PPP1R14C: variants seen among roughly 807,000 people sequenced by gnomAD.
PPP1R14C encodes the protein protein phosphatase 1 regulatory subunit 14C.
PPP1R14C carries 16 observed loss-of-function variants against 20.4 expected under a neutral mutation model. The observed-to-expected ratio is 0.78, with a 90% CI of 0.53 to 1.19. The LOEUF is 1.19. Ranked by LOEUF, PPP1R14C falls within the 50% of genes most tolerant of loss-of-function variation. PPP1R14C has a pLI of 0.00. For missense variants in PPP1R14C, 211 were observed against 220.1 expected (o/e 0.96, Z 0.26); for synonymous variants, 91 against 91.0 (o/e 1.00, Z 0.00).
chr6:150,155,281 A>C lies in PPP1R14C; in HGVS notation c.306+11783A>C, dbSNP rs79779088. Among the ~76,000 whole-genome samples the C allele has an allele frequency of 4.0e-3, 613 of 152,328 alleles. 2 individuals are homozygous for C. The highest frequency in any genetic ancestry group is 7.0e-3 in the South Asian group (34 of 4,828). ...ACTAATAGGATGGGATAACAAGAAA[A>C]ACTTAAGATTTTTTATGGACAGTTC... is the stretch of plus-strand genomic sequence containing the variant. On this transcript the variant is annotated intron_variant, in intron 1 of 3. Transcript: ENST00000361131.
chr6:150,175,412 A>G (rs979187696), intron 1 of PPP1R14C, among the ~76,000 whole-genome samples: 1 of 152,226 alleles, frequency 6.6e-6, no homozygotes, highest in East Asian at 1.9e-4. Flanking sequence ...CACAGTGGTC[A>G]TTTACTAAGG....
rs146587361 is a variant in PPP1R14C, at chr6:150,204,612, C to T, written c.307-10132C>T. Among the ~76,000 whole-genome samples, 48 of 152,280 alleles carry T rather than the reference C, an allele frequency of 3.2e-4. 1 individual carries two copies. In the East Asian group the frequency reaches 8.3e-3, roughly 26 times the overall value. On this transcript the variant is annotated intron_variant, in intron 1 of 3. Coordinates refer to ENST00000361131, the MANE Select transcript of PPP1R14C (RefSeq NM_030949.3). ...CAACGTGCGTGGGCATGATTGTGCC[C>T]GATTTCTATCCAGCCCCGAGAATTA...
At chr6:150,212,306 G>A (rs144530234) in intron 1 of PPP1R14C, among the ~76,000 whole-genome samples, 1 of 152,288 alleles carries the variant, frequency 6.6e-6, no homozygotes, top group East Asian at 1.9e-4. Context: ...GTATTCAAAT[G>A]TGCTTACCAC....
At position 150,202,792 on chromosome 6, in the gene PPP1R14C, C is replaced by G. The variant is rs574827133; in HGVS notation, c.307-11952C>G. Among the ~76,000 whole-genome samples, 408 of 152,338 alleles carry G rather than the reference C, an allele frequency of 2.7e-3. 1 individual carries two copies. Among genetic ancestry groups the G allele is most frequent in the African/African-American group, 9.5e-3 (393 of 41,568 alleles). On this transcript the variant is annotated intron_variant, in intron 1 of 3. Coordinates refer to ENST00000361131, the MANE Select transcript of PPP1R14C (RefSeq NM_030949.3). Reference sequence around the variant, plus strand: ...CAGTCACAGGAAGGCCTGGCCCTCACCTTCCTGGGTTCAGCCACCACCAAC... The same window carrying G: ...CAGTCACAGGAAGGCCTGGCCCTCAGCTTCCTGGGTTCAGCCACCACCAAC...
chr6:150,187,089 C>T (rs1315959360), intron 1 of PPP1R14C, among the ~76,000 whole-genome samples: 1 of 151,844 alleles, frequency 6.6e-6, no homozygotes, highest in Non-Finnish European at 1.5e-5. Flanking sequence ...GATTCTCCTG[C>T]GTCAGCCTCC....
At chr6:150,197,570 G>T (rs1022363475) in intron 1 of PPP1R14C, among the ~76,000 whole-genome samples, 7 of 152,282 alleles carry the variant, frequency 4.6e-5, no homozygotes, top group African/African-American at 1.7e-4. Context: ...GCTGCCGTGG[G>T]AAGGCTGGTG....
At chr6:150,224,496 A>G (rs1018092184) in intron 3 of PPP1R14C, among the ~76,000 whole-genome samples, 1 of 152,158 alleles carries the variant, frequency 6.6e-6, no homozygotes, top group Non-Finnish European at 1.5e-5. Context: ...ATACCTCTCC[A>G]ATTATTTCTG....
chr6:150,230,637 C>A (rs969653375), intron 3 of PPP1R14C, among the ~76,000 whole-genome samples: 18 of 152,154 alleles, frequency 1.2e-4, no homozygotes, highest in African/African-American at 3.6e-4. Flanking sequence ...TTAGAGCTTG[C>A]GTAATGTATA....
chr6:150,200,843 G>T (rs766723826), intron 1 of PPP1R14C, among the ~76,000 whole-genome samples: 1 of 152,120 alleles, frequency 6.6e-6, no homozygotes, highest in African/African-American at 2.4e-5. Flanking sequence ...GAAAGCTGTC[G>T]TCATCCTCTA....
At chr6:150,218,844 G>T (rs1778131501) in intron 3 of PPP1R14C, among the ~76,000 whole-genome samples, 2 of 152,050 alleles carry the variant, frequency 1.3e-5, no homozygotes, top group Non-Finnish European at 2.9e-5. Flanking sequence ...TAGAGACTGG[G>T]TCTCACTATG....
chr6:150,214,595 C>T, intron 1 of PPP1R14C, 149 bp from the exon 2 acceptor site: 1 of 589,226 alleles, frequency 1.7e-6, no homozygotes, highest in South Asian at 2.4e-5. Flanking sequence ...TCCTTCCCTC[C>T]TCTCCCCCTA....
In PPP1R14C at chr6:150,196,119, C is replaced by G. The variant is rs561910351; in HGVS notation, c.307-18625C>G. The G allele has an allele frequency of 1.6e-5, 16 of 985,312 alleles. No individual in the cohort carries two copies. The Admixed American group carries it at 6.1e-4, about 38-fold the overall frequency. The allele number at this position is 985,312 out of a possible 1,614,324, so 61.0% of individuals were successfully genotyped here. On this transcript the variant is annotated intron_variant, in intron 1 of 3. Coordinates refer to ENST00000361131, the MANE Select transcript of PPP1R14C (RefSeq NM_030949.3). ...TAAATAGGAGCATCAATGGGGCCTT[C>G]CAAAGGAAGTCATTGCAATACACTG...
At position 150,191,104 on chromosome 6, in the gene PPP1R14C, A is replaced by G. The variant is rs552924315; in HGVS notation, c.307-23640A>G. Among the ~76,000 whole-genome samples the G allele has an allele frequency of 2.0e-5, 3 of 152,176 alleles. No homozygotes were observed. The East Asian group carries it at 5.8e-4, about 29-fold the overall frequency. ...ACATGTTTTCTCCTCTGGGCTCTGC[A>G]GCTTACTGTTCCCTCTGTCTGGAAC... On this transcript the variant is annotated intron_variant, in intron 1 of 3. Transcript: ENST00000361131.
intron 1 of PPP1R14C, among the ~76,000 whole-genome samples, chr6:150,187,387 A>G (rs1362524302): frequency 6.6e-6 from 1 of 151,338 alleles, no homozygotes; most frequent in African/African-American, 2.4e-5. Context: ...TGTACAGATT[A>G]TTTTGTCACC....
chr6:150,248,959 G>T lies in PPP1R14C; in HGVS notation c.*139G>T, dbSNP rs377647392. On this transcript the variant is annotated 3_prime_UTR_variant, in exon 4 of 4. Transcript: ENST00000361131. ...TTTTTTTCTTTTTTGGTGTGAAGGT[G>T]GGGGGGTCTATTAGACATTTATTCA... 14 of 504,812 alleles carry T rather than the reference G, an allele frequency of 2.8e-5. No individual in the cohort carries two copies. Among genetic ancestry groups the T allele is most frequent in the East Asian group, 1.8e-4 (6 of 33,188 alleles). 31.3% of individuals were successfully genotyped at this position (504,812 alleles called of 1,614,324 possible).
intron 3 of PPP1R14C, among the ~76,000 whole-genome samples, chr6:150,246,076 T>A (rs528804208): frequency 3.3e-5 from 5 of 152,326 alleles, no homozygotes; most frequent in African/African-American, 1.2e-4. Context: ...TTTATGTACA[T>A]CATGGTTAGC....
At chr6:150,202,369 C>T (rs1171097815) in intron 1 of PPP1R14C, among the ~76,000 whole-genome samples, 2 of 152,198 alleles carry the variant, frequency 1.3e-5, no homozygotes, top group Admixed American at 1.3e-4. Context: ...CCCACACCTC[C>T]TTGCCTCAGG....
At chr6:150,236,367 A>G (rs941187330) in intron 3 of PPP1R14C, among the ~76,000 whole-genome samples, 2 of 152,196 alleles carry the variant, frequency 1.3e-5, no homozygotes, top group African/African-American at 2.4e-5. Context: ...CACACATAGG[A>G]AAGAATAGTC....
chr6:150,241,148 C>CT (rs1417563091), intron 3 of PPP1R14C, among the ~76,000 whole-genome samples: 1 of 152,112 alleles, frequency 6.6e-6, no homozygotes, highest in Non-Finnish European at 1.5e-5. Flanking sequence ...AGGAAGGGGG[C>CT]TGGACATAGG....
Sources: gnomAD v4.1 joint callset for allele counts (sites outside exome capture counted in the v4.1 genomes callset) on GRCh38, gnomAD v4.1.1 for gene constraint, MANE v1.5 for transcripts, NCBI Gene and HGNC (gene_info 2026-07-23, HGNC 2026-07-21) for gene names.